The following GNB1 variants were observed in gnomAD, a reference collection of about 807,000 sequenced individuals.
The protein encoded by GNB1 is guanine nucleotide-binding protein G(I)/G(S)/G(T) subunit beta-1.
A neutral mutation model predicts 42.9 loss-of-function variants in GNB1; 2 were observed. The observed-to-expected ratio is 0.05, with a 90% CI of 0.02 to 0.15. The LOEUF is 0.15. GNB1 is among the 10% of genes least tolerant of loss of function. The pLI is 1.00. For missense variants in GNB1, 193 were observed against 462.2 expected (o/e 0.42, Z 5.34); for synonymous variants, 183 against 174.7 (o/e 1.05, Z -0.38).
At chr1:1,819,284 C>G (rs1646899036) in intron 3 of GNB1, among the ~76,000 whole-genome samples, 1 of 151,504 alleles carries the variant, frequency 6.6e-6, no homozygotes, top group Non-Finnish European at 1.5e-5. Flanking sequence ...TGCTGTGTCG[C>G]GATCTCAGCT....
Position 1,790,613 on chromosome 1 carries a change from T to C in GNB1, c.498-17A>G. ...CACAGGGCACTGGAGCAGGAGCGAA[T>C]GACAAGGGGACATCAGCCTTAACTT... On this transcript the variant is annotated splice_polypyrimidine_tract_variant and intron_variant, in intron 8 of 11. Coordinates refer to ENST00000378609, the MANE Select transcript of GNB1 (RefSeq NM_002074.5). The surrounding 1 kb of genome is among the most constrained non-coding windows in gnomAD (Gnocchi z 5.4). 1 of 1,588,616 alleles carries C rather than the reference T, an allele frequency of 6.3e-7. No homozygotes were observed. Among genetic ancestry groups the C allele is most frequent in the Non-Finnish European group, 8.6e-7 (1 of 1,157,438 alleles).
intron 1 of GNB1, among the ~76,000 whole-genome samples, chr1:1,853,448 G>A (rs1218699736): frequency 3.3e-5 from 5 of 152,180 alleles, no homozygotes; most frequent in East Asian, 1.9e-4. Flanking sequence ...GGTCTCTGCC[G>A]AACTCTGACC....
intron 1 of GNB1, among the ~76,000 whole-genome samples, chr1:1,847,598 G>A (rs1487262848): frequency 2.0e-5 from 3 of 152,148 alleles, no homozygotes; most frequent in Non-Finnish European, 1.5e-5. Context: ...ACAGAACATT[G>A]TTTAAGTCTG....
rs1409537570 is a variant in GNB1, at chr1:1,891,033, C to CCTCCGT, written c.-315_-310dup. ...CCCGCTCCCGCCGCCGCCGCCGCCGCCTCCGTCCGCCCCTCAGACGCCTCC... is the reference window on the plus strand; with the variant it reads ...CCCGCTCCCGCCGCCGCCGCCGCCGCCTCCGTCTCCGTCCGCCCCTCAGACGCCTCC... On this transcript the variant is annotated 5_prime_UTR_variant, in exon 1 of 12. Transcript: ENST00000378609. 1 of 155,364 alleles carries CCTCCGT rather than the reference C, an allele frequency of 6.4e-6. No individual in the cohort carries two copies. The highest frequency in any genetic ancestry group is 1.7e-4 in the South Asian group (1 of 5,752). The allele number at this position is 155,364 out of a possible 1,614,324, so 9.6% of individuals were successfully genotyped here.
At chr1:1,856,338 G>A (rs1353022514) in intron 1 of GNB1, among the ~76,000 whole-genome samples, 1 of 152,132 alleles carries the variant, frequency 6.6e-6, no homozygotes, top group East Asian at 1.9e-4. Context: ...TGCCCAGGCA[G>A]ATCTCCAACT....
chr1:1,806,674 A>G (rs1483614846), intron 5 of GNB1, 136 bp from the exon 6 acceptor site: 4 of 544,040 alleles, frequency 7.4e-6, no homozygotes, highest in Middle Eastern at 3.7e-4. Context: ...CCACTTATTT[A>G]TAAGAAAAAA....
intron 1 of GNB1, chr1:1,839,815 C>A (rs1647200753): frequency 6.6e-6 from 1 of 152,068 alleles, no homozygotes; most frequent in African/African-American, 2.4e-5. Context: ...GATCATTCCA[C>A]TGCATTCCAG....
intron 7 of GNB1, among the ~76,000 whole-genome samples, chr1:1,802,087 T>C (rs963664667): frequency 2.0e-5 from 3 of 152,158 alleles, no homozygotes; most frequent in Non-Finnish European, 4.4e-5. Context: ...ATTGACAGAA[T>C]TAACAGGAAA....
rs201240857 is a variant in GNB1 at position 1,804,592 on chromosome 1, A to G, written c.268-11T>C. 79 of 1,554,070 alleles carry G rather than the reference A, an allele frequency of 5.1e-5. No individual in the cohort carries two copies. Among genetic ancestry groups the G allele is most frequent in the Non-Finnish European group, 6.4e-5 (74 of 1,148,662 alleles). Reference sequence around the variant, plus strand: ...AGGGATGGCGTGGACCTAATGACAGAAAGACAGATGATGCAAACAACTTTA... The same window carrying G: ...AGGGATGGCGTGGACCTAATGACAGGAAGACAGATGATGCAAACAACTTTA... On this transcript the variant is annotated splice_polypyrimidine_tract_variant and intron_variant, in intron 6 of 11. Transcript: ENST00000378609.
intron 1 of GNB1, among the ~76,000 whole-genome samples, chr1:1,865,939 ATTTAT>A (rs1648913868): frequency 6.6e-6 from 1 of 151,514 alleles, no homozygotes; most frequent in Non-Finnish European, 1.5e-5. Flanking sequence ...TGAAAACAGT[ATTTAT>A]TTATTTTTTT....
Position 1,786,132 on chromosome 1 carries a change from A to G in GNB1, c.*931T>C, listed in dbSNP as rs1464831431. 6 of 398,566 alleles carry G rather than the reference A, an allele frequency of 1.5e-5. No individual in the cohort carries two copies. The highest frequency in any genetic ancestry group is 3.6e-5 in the East Asian group (1 of 28,082). 24.7% of individuals were successfully genotyped at this position (398,566 alleles called of 1,614,324 possible). The stretch of plus-strand genomic sequence containing the variant: ...CATTGATTTGTACATTGTTTCATAC[A>G]CAAATAATTGACTGACTATCCAAGC... On this transcript the variant is annotated 3_prime_UTR_variant, in exon 12 of 12. Transcript: ENST00000378609.
chr1:1,800,332 A>T (rs1646606753), intron 7 of GNB1, among the ~76,000 whole-genome samples: 1 of 152,202 alleles, frequency 6.6e-6, no homozygotes, highest in Admixed American at 6.5e-5. Context: ...GAAAATAAAA[A>T]ATTTCTAAAT....
intron 1 of GNB1, among the ~76,000 whole-genome samples, chr1:1,879,732 T>C (rs1649739427): frequency 6.6e-6 from 1 of 151,046 alleles, no homozygotes; most frequent in African/African-American, 2.4e-5. Context: ...AAAGAATAAC[T>C]ATTTTCTAAG....
At chr1:1,845,613 A>G (rs1290755951) in intron 1 of GNB1, among the ~76,000 whole-genome samples, 1 of 151,918 alleles carries the variant, frequency 6.6e-6, no homozygotes, top group Non-Finnish European at 1.5e-5. Flanking sequence ...TAATAATAAT[A>G]ATGCTTAAAA....
At chr1:1,881,205 T>C (rs1426482488) in intron 1 of GNB1, among the ~76,000 whole-genome samples, 1 of 152,056 alleles carries the variant, frequency 6.6e-6, no homozygotes. Flanking sequence ...CATTTACATC[T>C]TTCTCGCCAC....
At chr1:1,847,700 G>A (rs957600169) in intron 1 of GNB1, among the ~76,000 whole-genome samples, 3 of 152,106 alleles carry the variant, frequency 2.0e-5, no homozygotes, top group East Asian at 1.9e-4. Context: ...TGGAGAGGAC[G>A]ACGTCCAGAT....
chr1:1,806,425 C>A lies in GNB1; in HGVS notation c.267+50G>T, dbSNP rs755167846. ...AACAAAATGAATCCAGAGCTTAAAACCCTGTTTCCTGGGTTGGTTTTTCAA... is the reference window on the plus strand; with the variant it reads ...AACAAAATGAATCCAGAGCTTAAAAACCTGTTTCCTGGGTTGGTTTTTCAA... On this transcript the variant is annotated intron_variant, in intron 6 of 11. Transcript: ENST00000378609. 46 of 1,095,138 alleles carry A rather than the reference C, an allele frequency of 4.2e-5. No homozygotes were observed. In the Admixed American group the frequency reaches 8.0e-4, roughly 19 times the overall value. The allele number at this position is 1,095,138 out of a possible 1,614,324, so 67.8% of individuals were successfully genotyped here.
chr1:1,816,489 A>T (rs929621257), intron 4 of GNB1, among the ~76,000 whole-genome samples: 1 of 152,104 alleles, frequency 6.6e-6, no homozygotes, highest in Non-Finnish European at 1.5e-5. Flanking sequence ...TATGTAGCCT[A>T]ATTTTTTTTT....
chr1:1,825,809 G>A lies in GNB1; in HGVS notation c.-46-310C>T, dbSNP rs898294795. Among the ~76,000 whole-genome samples the A allele has an allele frequency of 7.9e-5, 12 of 151,612 alleles. 1 individual carries two copies. Among genetic ancestry groups the A allele is most frequent in the Admixed American group, 2.6e-4 (4 of 15,224 alleles). On this transcript the variant is annotated intron_variant, in intron 2 of 11. Coordinates refer to ENST00000378609, the MANE Select transcript of GNB1 (RefSeq NM_002074.5). ...GAACCTGGGAGGCAGAGCTTGCAGT[G>A]AGCCGAGATGGCGCCAGTGCACTCC... is the stretch of plus-strand genomic sequence containing the variant.
Sources: allele counts gnomAD v4.1 joint callset (sites outside exome capture counted in the v4.1 genomes callset), GRCh38; gene constraint gnomAD v4.1.1; non-coding constraint Gnocchi (gnomAD v3.1); transcripts MANE v1.5; gene names NCBI Gene and HGNC (gene_info 2026-07-23, HGNC 2026-07-21).